The following TRMT9B variants were observed in gnomAD, a reference collection of about 807,000 sequenced individuals.
TRMT9B encodes the protein tRNA methyltransferase 9B (putative), also known as probable tRNA methyltransferase 9B.
Under a neutral mutation model 11.5 loss-of-function variants are expected in TRMT9B, and 16 were observed. That is an observed-to-expected ratio of 1.39 (90% CI 0.94 to 2.11). TRMT9B has a LOEUF of 2.11. TRMT9B is among the 30% of genes most tolerant of loss of function. The pLI is 0.00. For missense variants in TRMT9B, 941 were observed against 553.8 expected (o/e 1.70, Z -7.02); for synonymous variants, 274 against 192.4 (o/e 1.42, Z -3.51).
chr8:13,021,550 A>G lies in TRMT9B; in HGVS notation c.871A>G (p.Ser291Gly), dbSNP rs781552531. 1 of 1,613,940 alleles carries G rather than the reference A, an allele frequency of 6.2e-7. No homozygotes were observed. The highest frequency in any genetic ancestry group is 1.7e-5 in the Admixed American group (1 of 60,024). ...AACAGTCCAGCCTTCCAGACACTCTAGTTTAGACTTTGATCACCAAGAGCC... is the reference window on the plus strand; with the variant it reads ...AACAGTCCAGCCTTCCAGACACTCTGGTTTAGACTTTGATCACCAAGAGCC... ...TVTVQPSRHS[S>G]LDFDHQEPFS... The change falls in exon 5 of 5, where the codon AGT becomes GGT. Residue 291 changes from serine to glycine, a missense_variant. By Grantham distance (56) the Ser-to-Gly change is moderately conservative (BLOSUM62 0). Coordinates refer to ENST00000524591, the MANE Select transcript of TRMT9B (RefSeq NM_020844.3).
chr8:12,949,239 G>A (rs1407608653), intron 1 of TRMT9B, among the ~76,000 whole-genome samples: 9 of 151,630 alleles, frequency 5.9e-5, no homozygotes, highest in Admixed American at 5.9e-4. Flanking sequence ...TGACTACCGA[G>A]AGTAAAAATC....
At position 12,992,813 on chromosome 8, in the gene TRMT9B, G is replaced by C. The variant is rs191587036; in HGVS notation, c.-2+1782G>C. On this transcript the variant is annotated intron_variant, in intron 2 of 4. Transcript: ENST00000524591. ...GAATCTGGGAGGCAGAGGTTGCAGT[G>C]AGCAGAGATCATGCCACTACACTCC... is the stretch of plus-strand genomic sequence containing the variant. Among the ~76,000 whole-genome samples, 1,005 of 152,210 alleles carry C rather than the reference G, an allele frequency of 6.6e-3. 11 individuals are homozygous for C. Among genetic ancestry groups the C allele is most frequent in the Admixed American group, 0.021 (319 of 15,286 alleles).
intron 2 of TRMT9B, among the ~76,000 whole-genome samples, chr8:12,992,969 C>G (rs967878074): frequency 2.0e-5 from 3 of 152,204 alleles, no homozygotes; most frequent in Non-Finnish European, 4.4e-5. Context: ...CTAGACTTTG[C>G]AGACCAGTAG....
chr8:12,948,763 A>C (rs2128854705), intron 1 of TRMT9B, among the ~76,000 whole-genome samples: 1 of 152,224 alleles, frequency 6.6e-6, no homozygotes, highest in South Asian at 2.1e-4. Context: ...GATCGAGACC[A>C]TTCTGGCTAA....
At chr8:12,946,867 A>T (rs970788874) in intron 1 of TRMT9B, among the ~76,000 whole-genome samples, 4 of 152,222 alleles carry the variant, frequency 2.6e-5, no homozygotes, top group African/African-American at 4.8e-5. Context: ...TCCCAATGCC[A>T]GGAAGTTCCC....
intron 2 of TRMT9B, among the ~76,000 whole-genome samples, chr8:13,002,543 C>G (rs1251551643): frequency 6.6e-6 from 1 of 152,164 alleles, no homozygotes; most frequent in African/African-American, 2.4e-5. Context: ...GATTTATACT[C>G]AGTTAGGAGT....
At chr8:13,008,991 G>C (rs138930443) in intron 3 of TRMT9B, among the ~76,000 whole-genome samples, 2,333 of 152,236 alleles carry the variant, frequency 0.015, 59 homozygotes, top group African/African-American at 0.054. Flanking sequence ...GCCTCCCAAA[G>C]TGCTGGGATT....
chr8:13,006,756 C>T, intron 3 of TRMT9B: 1 of 778,230 alleles, frequency 1.3e-6, no homozygotes, highest in Non-Finnish European at 1.7e-6. Context: ...GCAAACTCCG[C>T]CTCCCAGGTT....
At chr8:12,975,548 C>A (rs1804315974) in intron 1 of TRMT9B, among the ~76,000 whole-genome samples, 1 of 151,930 alleles carries the variant, frequency 6.6e-6, no homozygotes, top group African/African-American at 2.4e-5. Context: ...ACCAGCCTGG[C>A]CAACATGGCG....
At chr8:13,011,631 T>A (rs1017902191) in intron 3 of TRMT9B, 6 of 972,454 alleles carry the variant, frequency 6.2e-6, no homozygotes, top group Non-Finnish European at 6.1e-6. Flanking sequence ...TTCATGTTAC[T>A]ACCTACCTCA....
chr8:12,964,962 G>C (rs1037983171), intron 1 of TRMT9B, among the ~76,000 whole-genome samples: 2 of 152,094 alleles, frequency 1.3e-5, no homozygotes, highest in Admixed American at 6.5e-5. Context: ...AATGGAATAT[G>C]AAAACCGAAA....
At chr8:13,020,051 C>A (rs1390543913) in intron 4 of TRMT9B, among the ~76,000 whole-genome samples, 9 of 152,104 alleles carry the variant, frequency 5.9e-5, no homozygotes, top group African/African-American at 1.2e-4. Context: ...ATTTAATATG[C>A]CTCTGTGGAA....
chr8:13,021,743 C>T lies in TRMT9B; in HGVS notation c.1064C>T (p.Thr355Ile), dbSNP rs371025543. Residue 355 changes from threonine to isoleucine, a missense_variant, in exon 5 of 5, where the codon ACT (threonine) becomes ATT (isoleucine). Thr to Ile is a moderately conservative substitution (Grantham distance 89). Coordinates refer to ENST00000524591, the MANE Select transcript of TRMT9B (RefSeq NM_020844.3). ...GGGNFLDSTN[T>I]GVNCVDAGNI... ...GGAAATTTTCTGGATAGCACTAATA[C>T]TGGTGTGAATTGTGTGGATGCAGGC... 2 of 1,613,988 alleles carry T rather than the reference C, an allele frequency of 1.2e-6. No homozygotes were observed. Among genetic ancestry groups the T allele is most frequent in the Admixed American group, 1.7e-5 (1 of 60,014 alleles).
intron 4 of TRMT9B, among the ~76,000 whole-genome samples, chr8:13,018,917 G>T (rs753246312): frequency 6.6e-6 from 1 of 152,146 alleles, no homozygotes; most frequent in Non-Finnish European, 1.5e-5. Flanking sequence ...GCACAAACAT[G>T]CAGAAAATGT....
chr8:12,972,183 C>G (rs896820055), intron 1 of TRMT9B, among the ~76,000 whole-genome samples: 1 of 152,130 alleles, frequency 6.6e-6, no homozygotes. Context: ...GCAAGAACAA[C>G]AGCAGGAAGC....
intron 1 of TRMT9B, among the ~76,000 whole-genome samples, chr8:12,971,142 A>T (rs1445960385): frequency 6.6e-6 from 1 of 152,186 alleles, no homozygotes; most frequent in Non-Finnish European, 1.5e-5. Flanking sequence ...TCTTGTAGCT[A>T]TTTTGAAATA....
intron 2 of TRMT9B, among the ~76,000 whole-genome samples, chr8:13,002,350 G>A (rs895987755): frequency 6.6e-6 from 1 of 152,142 alleles, no homozygotes; most frequent in African/African-American, 2.4e-5. Context: ...CTTGAGAAAG[G>A]GGAAACGTAA....
At chr8:12,994,802 C>A (rs995102440) in intron 2 of TRMT9B, among the ~76,000 whole-genome samples, 2 of 152,200 alleles carry the variant, frequency 1.3e-5, no homozygotes, top group African/African-American at 2.4e-5. Context: ...CTGCCTCAGC[C>A]TCCTGAGTAC....
At chr8:12,955,984 A>G (rs1395671562) in intron 1 of TRMT9B, among the ~76,000 whole-genome samples, 1 of 152,196 alleles carries the variant, frequency 6.6e-6, no homozygotes, top group Admixed American at 6.5e-5. Flanking sequence ...AGGCTGCTGC[A>G]AAATGCCTCT....
Sources: gnomAD v4.1 joint callset for allele counts (sites outside exome capture counted in the v4.1 genomes callset) on GRCh38, gnomAD v4.1.1 for gene constraint, MANE v1.5 for transcripts, NCBI Gene and HGNC (gene_info 2026-07-23, HGNC 2026-07-21) for gene names.